ERAP2: variants seen among roughly 807,000 people sequenced by gnomAD.
ERAP2 encodes leukocyte-derived arginine aminopeptidase.
A neutral mutation model predicts 111.1 loss-of-function variants in ERAP2; 118 were observed. The observed-to-expected ratio is 1.06, with a 90% confidence interval of 0.92 to 1.24. ERAP2 has a LOEUF of 1.24. ERAP2 is among the 50% of genes most tolerant of loss of function. The pLI is 0.00. For missense variants in ERAP2, 1,131 were observed against 1,125.8 expected (o/e 1.00, Z -0.07); for synonymous variants, 410 against 401.2 (o/e 1.02, Z -0.26).
chr5:96,916,807 T>G (rs1787466458), intron 18 of ERAP2, among the ~76,000 whole-genome samples: 1 of 151,840 alleles, frequency 6.6e-6, no homozygotes, highest in African/African-American at 2.4e-5. Context: ...GCACCTTCTT[T>G]TCACAATAAA....
intron 7 of ERAP2, among the ~76,000 whole-genome samples, chr5:96,895,819 T>C (rs75101922): frequency 0.042 from 6,326 of 152,226 alleles, 258 homozygotes; most frequent in East Asian, 0.13. Flanking sequence ...TAAAAACGAA[T>C]ATAGTGGTCT....
At chr5:96,896,965 T>TAAGTCATATGTTGGA (rs1234064734) in intron 9 of ERAP2, 102 bp downstream of exon 9, 1 of 970,030 alleles carries the variant, frequency 1.0e-6, no homozygotes, top group Non-Finnish European at 1.4e-6. Context: ...GTCAACCATA[T>TAAGTCATATGTTGGA]TTATTCTGCT....
intron 13 of ERAP2, among the ~76,000 whole-genome samples, chr5:96,905,720 C>T (rs1009134011): frequency 2.6e-5 from 4 of 151,934 alleles, no homozygotes; most frequent in African/African-American, 9.7e-5. Flanking sequence ...CCCATCTCTA[C>T]TAAAAATAAA....
intron 15 of ERAP2, 35 bp downstream of exon 15, chr5:96,909,799 TTC>T: frequency 6.3e-7 from 1 of 1,598,002 alleles, no homozygotes; most frequent in Non-Finnish European, 8.6e-7. Flanking sequence ...CTTTGTTCTT[TTC>T]TCTTTGATGT....
In ERAP2 at chr5:96,912,684, C is replaced by G; in HGVS notation, c.2402C>G (p.Thr801Arg). 6.2e-7 allele frequency: 1 copy of G among 1,610,634 alleles called. No homozygotes were observed. Among genetic ancestry groups the G allele is most frequent in the East Asian group, 2.2e-5 (1 of 44,466 alleles). ...LKIVYSVGAQ[T>R]TAGWNYLLEQ... ...ATTGTGTATTCTGTGGGTGCTCAGA[C>G]AACAGCAGGATGGAATTACCTTTTA... The change falls in exon 16 of 19, where the codon ACA (threonine) becomes AGA (arginine). Residue 801 changes from threonine (T) to arginine (R), a missense_variant. Thr to Arg is a moderately conservative substitution (Grantham distance 71). Coordinates refer to ENST00000437043, the MANE Select transcript of ERAP2 (RefSeq NM_022350.5).
intron 15 of ERAP2, among the ~76,000 whole-genome samples, chr5:96,911,623 T>C (rs929473544): frequency 5.3e-5 from 8 of 152,006 alleles, no homozygotes; most frequent in African/African-American, 1.4e-4. Flanking sequence ...CCGTAGCTCA[T>C]GCCTGTAAGG....
In ERAP2 at chr5:96,902,287, A is replaced by G. The variant is rs139804478; in HGVS notation, c.1762A>G (p.Ile588Val). 1.2e-6 allele frequency: 2 copies of G among 1,608,062 alleles called. No individual in the cohort carries two copies. The highest frequency in any genetic ancestry group is 8.5e-7 in the Non-Finnish European group (1 of 1,174,610). Residue 588 changes from isoleucine (I) to valine (V), a missense_variant, in exon 12 of 19, where the codon ATC (isoleucine) becomes GTC (valine). By Grantham distance (29) the Ile-to-Val change is conservative (BLOSUM62 3). Around this residue, in one of 3 missense-constraint regions of ERAP2, gnomAD observed 847 missense variants for 856.5 expected, o/e 0.99. Transcript: ENST00000437043. ...RALQERYLWH[I>V]PLTYSTSSSN... ...TCTCTGTCATAGGTACCTGTGGCAT[A>G]TCCCATTGACCTACTCCACGAGTTC...
rs1783752955 is a variant in ERAP2, at chr5:96,886,661, A to G, written c.721A>G (p.Thr241Ala). 3.7e-5 allele frequency: 57 copies of G among 1,520,048 alleles called. No individual in the cohort carries two copies. Among genetic ancestry groups the G allele is most frequent in the Non-Finnish European group, 4.9e-5 (55 of 1,117,162 alleles). The allele number at this position is 1,520,048 out of a possible 1,614,324, so 94.2% of individuals were successfully genotyped here. The change falls in exon 4 of 19, where the codon ACA becomes GCA. Residue 241 changes from threonine (T) to alanine (A), a missense_variant. Physicochemically the swap from Thr to Ala is moderately conservative, Grantham distance 58. Around this residue, in one of 3 missense-constraint regions of ERAP2, gnomAD observed 847 missense variants for 856.5 expected, o/e 0.99. Transcript: ENST00000437043. ...TTCCTTTTCCTTTCTGTAGGTTAAGACAATTGAACTTGAAGGAGGTCTTTT... is the reference window on the plus strand; with the variant it reads ...TTCCTTTTCCTTTCTGTAGGTTAAGGCAATTGAACTTGAAGGAGGTCTTTT... Reference protein sequence around the residue: ...IALSNMPKVKTIELEGGLLED... With the variant: ...IALSNMPKVKAIELEGGLLED...
chr5:96,917,626 G>T lies in ERAP2; in HGVS notation c.*21G>T. ...CTTAAATGGTCAATAGAAAAAGTAGGCTGGGCGCGGTGGCTCACGCCTGTA... is the reference window on the plus strand; with the variant it reads ...CTTAAATGGTCAATAGAAAAAGTAGTCTGGGCGCGGTGGCTCACGCCTGTA... On this transcript the variant is annotated 3_prime_UTR_variant, in exon 19 of 19. Coordinates refer to ENST00000437043, the MANE Select transcript of ERAP2 (RefSeq NM_022350.5). The T allele has an allele frequency of 6.2e-7, 1 of 1,602,514 alleles. No homozygotes were observed. The highest frequency in any genetic ancestry group is 8.5e-7 in the Non-Finnish European group (1 of 1,173,528).
chr5:96,886,272 A>G (rs1783700146), intron 3 of ERAP2, among the ~76,000 whole-genome samples: 1 of 152,256 alleles, frequency 6.6e-6, no homozygotes, highest in African/African-American at 2.4e-5. Context: ...CTTGTACAAC[A>G]AATAAAGGGA....
chr5:96,893,252 T>C (rs1490138072), intron 6 of ERAP2, among the ~76,000 whole-genome samples: 1 of 152,190 alleles, frequency 6.6e-6, no homozygotes, highest in African/African-American at 2.4e-5. Context: ...TGCAGTAAAT[T>C]ATTAAAGTCA....
chr5:96,892,582 C>A, intron 6 of ERAP2, 129 bp downstream of exon 6: 1 of 1,043,974 alleles, frequency 9.6e-7, no homozygotes, highest in Non-Finnish European at 1.4e-6. Flanking sequence ...ACTACTAAAC[C>A]TAACACAACG....
chr5:96,914,858 C>A (rs1787199414), intron 17 of ERAP2, among the ~76,000 whole-genome samples: 1 of 151,900 alleles, frequency 6.6e-6, no homozygotes, highest in Non-Finnish European at 1.5e-5. Flanking sequence ...ATTAGAGTGT[C>A]TATTATTTCT....
At chr5:96,879,382 A>C (rs556384971) in intron 1 of ERAP2, among the ~76,000 whole-genome samples, 182 bp from the exon 2 acceptor site, 3 of 152,202 alleles carry the variant, frequency 2.0e-5, no homozygotes, top group Non-Finnish European at 4.4e-5. Flanking sequence ...GGAGTCCTAA[A>C]GGGTTTTTAT....
chr5:96,897,896 A>G (rs1380561422), intron 9 of ERAP2, among the ~76,000 whole-genome samples: 1 of 152,224 alleles, frequency 6.6e-6, no homozygotes, highest in Non-Finnish European at 1.5e-5. Flanking sequence ...AGCAGTTTAC[A>G]GTTTAAAGAC....
At chr5:96,882,174 A>G (rs1783204894) in intron 2 of ERAP2, among the ~76,000 whole-genome samples, 1 of 152,186 alleles carries the variant, frequency 6.6e-6, no homozygotes, top group South Asian at 2.1e-4. Context: ...TCAGCACAGT[A>G]TTGGATAGGA....
At chr5:96,882,309 G>A (rs1020867844) in intron 2 of ERAP2, among the ~76,000 whole-genome samples, 4 of 152,198 alleles carry the variant, frequency 2.6e-5, no homozygotes, top group Admixed American at 6.5e-5. Context: ...GGAGCTGTGG[G>A]AGATGAGAGG....
intron 13 of ERAP2, among the ~76,000 whole-genome samples, chr5:96,906,997 C>T (rs1366289908): frequency 6.6e-6 from 1 of 152,226 alleles, no homozygotes; most frequent in Non-Finnish European, 1.5e-5. Context: ...CATTGCACTC[C>T]AGCCTGGGCA....
chr5:96,886,623 C>T, intron 3 of ERAP2, 32 bp from the exon 4 acceptor site: 1 of 1,464,916 alleles, frequency 6.8e-7, no homozygotes, highest in Non-Finnish European at 9.2e-7. Context: ...CTCCAGTTTT[C>T]AAGTACTGAT....
Sources: allele counts gnomAD v4.1 joint callset (sites outside exome capture counted in the v4.1 genomes callset), GRCh38; gene constraint gnomAD v4.1.1; regional missense constraint gnomAD v4.1.1; transcripts MANE v1.5; gene names NCBI Gene and HGNC (gene_info 2026-07-23, HGNC 2026-07-21).